The following CPQ variants were observed in gnomAD, a reference collection of about 807,000 sequenced individuals.
CPQ encodes the protein carboxypeptidase Q.
In CPQ, 37 loss-of-function variants were observed where a neutral mutation model predicts 45.7. The ratio of observed to expected loss-of-function variants is 0.81; its 90% CI spans 0.62 to 1.07. CPQ has a LOEUF of 1.07. Among genes scored for constraint, CPQ ranks in the 50% least tolerant of loss-of-function variants. CPQ has a pLI of 0.00. For synonymous variants in CPQ, 186 were observed against 205.8 expected (o/e 0.90, Z 0.82); for missense variants, 537 against 572.9 (o/e 0.94, Z 0.64).
chr8:97,076,876 A>G (rs1054552738), intron 7 of CPQ, among the ~76,000 whole-genome samples: 3 of 152,204 alleles, frequency 2.0e-5, no homozygotes, highest in African/African-American at 7.2e-5. Context: ...AAAAATCTGC[A>G]TATAACTTTT....
intron 1 of CPQ, among the ~76,000 whole-genome samples, chr8:96,767,635 CTTTTTTTTTTTTTTT>C (rs1172189500): frequency 2.5e-5 from 1 of 39,278 alleles, no homozygotes; most frequent in African/African-American, 1.1e-4. Context: ...GTTACCTATG[CTTTTTTTTTTTTTTT>C]TTTTTTTTTT....
At chr8:96,744,121 C>A (rs111316626) in intron 1 of CPQ, among the ~76,000 whole-genome samples, 1 of 152,256 alleles carries the variant, frequency 6.6e-6, no homozygotes, top group African/African-American at 2.4e-5. Context: ...TGCTAGCAAT[C>A]AGCAAGACTC....
intron 1 of CPQ, among the ~76,000 whole-genome samples, chr8:96,726,787 A>G (rs1480872455): frequency 6.6e-6 from 1 of 152,134 alleles, no homozygotes; most frequent in Non-Finnish European, 1.5e-5. Context: ...TGGCTTTTTG[A>G]GAAGAGAAAG....
chr8:96,923,616 A>T (rs1202109819), intron 4 of CPQ, among the ~76,000 whole-genome samples: 3 of 152,126 alleles, frequency 2.0e-5, no homozygotes, highest in Non-Finnish European at 2.9e-5. Flanking sequence ...ATTGAGCCCC[A>T]ATTACATGCA....
chr8:96,865,850 ATATT>A (rs1811990199), intron 3 of CPQ, among the ~76,000 whole-genome samples: 1 of 152,070 alleles, frequency 6.6e-6, no homozygotes, highest in African/African-American at 2.4e-5. Flanking sequence ...TATTCATGAA[ATATT>A]TATTAAGTGC....
chr8:96,935,490 A>C (rs1201925375), intron 4 of CPQ, among the ~76,000 whole-genome samples: 1 of 152,158 alleles, frequency 6.6e-6, no homozygotes, highest in Admixed American at 6.5e-5. Context: ...GGAGGTTCCC[A>C]AGAGGTTACC....
At chr8:96,831,284 C>T (rs1334051333) in intron 2 of CPQ, among the ~76,000 whole-genome samples, 2 of 151,832 alleles carry the variant, frequency 1.3e-5, no homozygotes, top group African/African-American at 4.8e-5. Flanking sequence ...CTATTTCAGG[C>T]ACTTGGAACT....
chr8:96,815,889 A>C (rs974352903), intron 2 of CPQ, among the ~76,000 whole-genome samples: 2 of 152,168 alleles, frequency 1.3e-5, no homozygotes, highest in African/African-American at 4.8e-5. Flanking sequence ...ATTTATAAAT[A>C]CTATTAATAT....
At chr8:97,042,967 T>C (rs1810158665) in intron 6 of CPQ, among the ~76,000 whole-genome samples, 1 of 151,998 alleles carries the variant, frequency 6.6e-6, no homozygotes, top group Non-Finnish European at 1.5e-5. Context: ...ATTCTGTTGA[T>C]TTGGGGTGGA....
chr8:96,956,801 T>C (rs1213375982), intron 4 of CPQ, among the ~76,000 whole-genome samples: 5 of 152,216 alleles, frequency 3.3e-5, no homozygotes, highest in African/African-American at 4.8e-5. Context: ...AATATACTGA[T>C]GGAAATTTGG....
At chr8:96,828,666 G>A (rs944394061) in intron 2 of CPQ, among the ~76,000 whole-genome samples, 4 of 151,956 alleles carry the variant, frequency 2.6e-5, no homozygotes, top group Admixed American at 6.6e-5. Flanking sequence ...AGATGACAGC[G>A]GTTTTCATGA....
At chr8:96,875,493 A>G (rs1372964807) in intron 3 of CPQ, among the ~76,000 whole-genome samples, 1 of 151,968 alleles carries the variant, frequency 6.6e-6, no homozygotes, top group Non-Finnish European at 1.5e-5. Context: ...TTAAGAATGT[A>G]ACTTTATTCT....
At chr8:96,992,738 CT>C (rs1440461013) in intron 5 of CPQ, among the ~76,000 whole-genome samples, 2 of 152,144 alleles carry the variant, frequency 1.3e-5, no homozygotes, top group Non-Finnish European at 2.9e-5. Context: ...GAGTCTCCCA[CT>C]TTCTTTCCTT....
intron 7 of CPQ, among the ~76,000 whole-genome samples, chr8:97,110,068 A>G (rs1454196573): frequency 6.6e-6 from 1 of 152,190 alleles, no homozygotes; most frequent in Non-Finnish European, 1.5e-5. Flanking sequence ...CTGGGTGACC[A>G]CCACCCAAAT....
At chr8:97,091,131 C>T (rs977425036) in intron 7 of CPQ, among the ~76,000 whole-genome samples, 6 of 152,128 alleles carry the variant, frequency 3.9e-5, no homozygotes, top group African/African-American at 9.7e-5. Flanking sequence ...AAGTGGCGTT[C>T]GCTCTAGACT....
rs993875760 is a variant in CPQ at position 96,667,159 on chromosome 8, C to T, written c.-35+21757C>T. On this transcript the variant is annotated intron_variant, in intron 1 of 7. Coordinates refer to ENST00000220763, the MANE Select transcript of CPQ (RefSeq NM_016134.4). ...GAGAGTAAATGGTGTGTACATATTA[C>T]ATGGGTGAGTGTCTGAAGACCTAGA... Among the ~76,000 whole-genome samples, 67 of 152,244 alleles carry T rather than the reference C, an allele frequency of 4.4e-4. 1 individual carries two copies. Among genetic ancestry groups the T allele is most frequent in the African/African-American group, 1.6e-3 (65 of 41,550 alleles).
chr8:97,095,917 T>C (rs1334143185), intron 7 of CPQ, among the ~76,000 whole-genome samples: 1 of 152,176 alleles, frequency 6.6e-6, no homozygotes, highest in Non-Finnish European at 1.5e-5. Flanking sequence ...TACTTGTTTT[T>C]CTTGTCACCA....
chr8:96,678,356 T>C (rs112368596), intron 1 of CPQ, among the ~76,000 whole-genome samples: 3,690 of 152,116 alleles, frequency 0.024, 167 homozygotes, highest in African/African-American at 0.084. Flanking sequence ...TTCATCAGTG[T>C]TTTGCAGTTT....
chr8:96,762,942 T>TA (rs2130793099), intron 1 of CPQ, among the ~76,000 whole-genome samples: 1 of 152,298 alleles, frequency 6.6e-6, no homozygotes, highest in Non-Finnish European at 1.5e-5. Context: ...TTAAGTGGCT[T>TA]AAAAAATAGA....
Sources: allele counts gnomAD v4.1 joint callset (sites outside exome capture counted in the v4.1 genomes callset), GRCh38; gene constraint gnomAD v4.1.1; transcripts MANE v1.5; gene names NCBI Gene and HGNC (gene_info 2026-07-23, HGNC 2026-07-21).